Variants in TRMT61B observed in about 807,000 individuals in gnomAD.
The protein encoded by TRMT61B is tRNA (adenine(58)-N(1))-methyltransferase, mitochondrial.
Under a neutral mutation model 52.0 loss-of-function variants are expected in TRMT61B, and 56 were observed. That is an observed-to-expected ratio of 1.08 (90% CI 0.87 to 1.35). The LOEUF is 1.35. Ranked by LOEUF, TRMT61B falls within the 40% of genes most tolerant of loss-of-function variation. TRMT61B has a pLI of 0.00. For synonymous variants in TRMT61B, 206 were observed against 220.0 expected (o/e 0.94, Z 0.56); for missense variants, 650 against 577.9 (o/e 1.12, Z -1.28).
At chr2:28,868,376 T>C (rs1183827659) in intron 1 of TRMT61B, among the ~76,000 whole-genome samples, 1 of 152,202 alleles carries the variant, frequency 6.6e-6, no homozygotes, top group African/African-American at 2.4e-5. Context: ...TCACCTGACA[T>C]AAAGTATGCT....
At chr2:28,865,282 C>T (rs1669790406) in intron 1 of TRMT61B, among the ~76,000 whole-genome samples, 163 bp from the exon 2 acceptor site, 1 of 152,108 alleles carries the variant, frequency 6.6e-6, no homozygotes, top group African/African-American at 2.4e-5. Context: ...TAAAAGAGAT[C>T]CAAGAATCAA....
In TRMT61B at chr2:28,869,927, C is replaced by G. The variant is rs774582681; in HGVS notation, c.351G>C (p.Gln117His). The part of the protein sequence containing the change: ...GDQGRCGPTH[Q>H]GSEDPSMLSQ... ...AGAGCATCGAAGGATCCTCGGATCC[C>G]TGGTGTGTGGGACCGCACCGGCCCT... Residue 117 changes from glutamine to histidine, a missense_variant, in exon 1 of 7, where the codon CAG (glutamine) becomes CAC (histidine). By Grantham distance (24) the Gln-to-His change is conservative. Transcript: ENST00000306108. 2.5e-6 allele frequency: 4 copies of G among 1,613,904 alleles called. No individual in the cohort carries two copies. In the South Asian group the frequency reaches 4.4e-5, roughly 18 times the overall value.
At chr2:28,863,714 T>G (rs1669707512) in intron 2 of TRMT61B, among the ~76,000 whole-genome samples, 1 of 152,146 alleles carries the variant, frequency 6.6e-6, no homozygotes, top group Non-Finnish European at 1.5e-5. Context: ...AACAAAAGAT[T>G]GATTGAGGAG....
Position 28,850,257 on chromosome 2 carries a change from G to T in TRMT61B, c.1391-15C>A. The T allele has an allele frequency of 6.2e-7, 1 of 1,609,086 alleles. No homozygotes were observed. Among genetic ancestry groups the T allele is most frequent in the Non-Finnish European group, 8.5e-7 (1 of 1,177,284 alleles). Reference sequence around the variant, plus strand: ...GACAAGAAAAGCTAATTTAAGAGAAGAAAAACATAAAGTCATTATATTAAT... The same window carrying T: ...GACAAGAAAAGCTAATTTAAGAGAATAAAAACATAAAGTCATTATATTAAT... On this transcript the variant is annotated splice_polypyrimidine_tract_variant and intron_variant, in intron 6 of 6. Coordinates refer to ENST00000306108, the MANE Select transcript of TRMT61B (RefSeq NM_017910.4).
intron 3 of TRMT61B, among the ~76,000 whole-genome samples, chr2:28,860,895 C>T (rs1669571005): frequency 6.6e-6 from 1 of 152,172 alleles, no homozygotes; most frequent in African/African-American, 2.4e-5. Context: ...AGTCATTACC[C>T]CACATTCAAT....
chr2:28,864,058 C>T (rs1255430818), intron 2 of TRMT61B, among the ~76,000 whole-genome samples: 1 of 151,948 alleles, frequency 6.6e-6, no homozygotes, highest in Admixed American at 6.6e-5. Context: ...GATTTTTGAT[C>T]AGACACCCAC....
At chr2:28,867,874 G>A (rs55714245) in intron 1 of TRMT61B, among the ~76,000 whole-genome samples, 14,137 of 151,876 alleles carry the variant, frequency 0.093, 944 homozygotes, top group Middle Eastern at 0.2. Flanking sequence ...AAGTTAGGGC[G>A]ACCCCAACTC....
In TRMT61B at chr2:28,869,963, C is replaced by G. The variant is rs778312034; in HGVS notation, c.315G>C (p.Ser105=). The change falls in exon 1 of 7, where the codon TCG becomes TCC. Residue 105 remains serine (S), a synonymous_variant. Coordinates refer to ENST00000306108, the MANE Select transcript of TRMT61B (RefSeq NM_017910.4). ...GACCGCACCGGCCCTGGTCTCCGCTCGAGTCCTCGAGCTCTCGAGGGGATG... is the reference window on the plus strand; with the variant it reads ...GACCGCACCGGCCCTGGTCTCCGCTGGAGTCCTCGAGCTCTCGAGGGGATG... ...EESSPRELED[S]SGDQGRCGPT... is the part of the protein sequence containing the mutation. The G allele has an allele frequency of 1.9e-6, 3 of 1,613,692 alleles. No individual in the cohort carries two copies. The highest frequency in any genetic ancestry group is 3.3e-5 in the Admixed American group (2 of 60,000).
At chr2:28,858,160 C>T (rs926084942) in intron 3 of TRMT61B, among the ~76,000 whole-genome samples, 1 of 151,702 alleles carries the variant, frequency 6.6e-6, no homozygotes, top group African/African-American at 2.4e-5. Context: ...CCTGCCTCAG[C>T]CTCCCCAGTA....
Position 28,861,208 on chromosome 2 carries a change from A to G in TRMT61B, c.903T>C (p.Ser301=). The G allele has an allele frequency of 6.2e-7, 1 of 1,613,896 alleles. No individual in the cohort carries two copies. The highest frequency in any genetic ancestry group is 8.5e-7 in the Non-Finnish European group (1 of 1,179,946). ...CATTGTCTGGCCACTCTTCTACATG[A>G]CTTAATTTCCATGAATCACGCCAGT... ...YKHWRDSWKL[S]HVEEWPDNVD... Residue 301 remains serine (S), a synonymous_variant, in exon 3 of 7, where the codon AGT becomes AGC. Coordinates refer to ENST00000306108, the MANE Select transcript of TRMT61B (RefSeq NM_017910.4).
intron 2 of TRMT61B, among the ~76,000 whole-genome samples, chr2:28,864,574 T>C (rs903854112): frequency 6.6e-6 from 1 of 152,122 alleles, no homozygotes; most frequent in Non-Finnish European, 1.5e-5. Flanking sequence ...AAAGTCACAA[T>C]AGTGGTTTCC....
intron 1 of TRMT61B, among the ~76,000 whole-genome samples, chr2:28,865,377 C>A (rs1296258536): frequency 2.0e-5 from 3 of 152,116 alleles, no homozygotes; most frequent in Non-Finnish European, 4.4e-5. Context: ...AGTTTAAAGA[C>A]AAAGAGTAGA....
Position 28,858,041 on chromosome 2 carries a change from C to CTT in TRMT61B, c.993+3075_993+3076dup, listed in dbSNP as rs372996493. Among the ~76,000 whole-genome samples, 642 of 133,284 alleles carry CTT rather than the reference C, an allele frequency of 4.8e-3. 6 individuals carry two copies. Among genetic ancestry groups the CTT allele is most frequent in the African/African-American group, 8.5e-3 (308 of 36,082 alleles). The allele number at this position is 133,284 out of a possible 152,430, so 87.4% of individuals were successfully genotyped here. A position where few individuals can be genotyped will look rare whatever the true frequency, so the allele number is the denominator to read the frequency against. On this transcript the variant is annotated intron_variant, in intron 3 of 6. Coordinates refer to ENST00000306108, the MANE Select transcript of TRMT61B (RefSeq NM_017910.4). ...AGCTGTTTCCAAAATTTGTTTAATT[C>CTT]TTTTTTTTTTTTTTTTTGAGACGGA...
At position 28,870,088 on chromosome 2, in the gene TRMT61B, C is replaced by G. The variant is rs1363055167; in HGVS notation, c.190G>C (p.Ala64Pro). 6.2e-7 allele frequency: 1 copy of G among 1,613,996 alleles called. No homozygotes were observed. The highest frequency in any genetic ancestry group is 8.5e-7 in the Non-Finnish European group (1 of 1,179,984). ...AGAGGGAGAGATGGGCAAGACTCTGCTCCTGGGGCTTTCCTTTGTGCCGCC... is the reference window on the plus strand; with the variant it reads ...AGAGGGAGAGATGGGCAAGACTCTGGTCCTGGGGCTTTCCTTTGTGCCGCC... ...HEAAQRKAPG[A>P]ESCPSLPLSI... The change falls in exon 1 of 7, where the codon GCA (alanine) becomes CCA (proline). Residue 64 changes from alanine to proline, a missense_variant. Transcript: ENST00000306108.
chr2:28,859,292 G>A (rs1421282900), intron 3 of TRMT61B, among the ~76,000 whole-genome samples: 1 of 151,686 alleles, frequency 6.6e-6, no homozygotes, highest in East Asian at 1.9e-4. Flanking sequence ...TGTTAGCCAG[G>A]ATGGTCTCCA....
chr2:28,867,916 G>A (rs1669917540), intron 1 of TRMT61B, among the ~76,000 whole-genome samples: 1 of 152,082 alleles, frequency 6.6e-6, no homozygotes, highest in Admixed American at 6.6e-5. Flanking sequence ...GCTAGGCATA[G>A]TGGCATGCAC....
intron 1 of TRMT61B, among the ~76,000 whole-genome samples, chr2:28,865,323 A>G (rs1188430746): frequency 6.6e-6 from 1 of 152,232 alleles, no homozygotes; most frequent in East Asian, 1.9e-4. Context: ...TCAGAATAAT[A>G]CCAAAATTAC....
intron 3 of TRMT61B, among the ~76,000 whole-genome samples, chr2:28,858,079 C>A (rs1374039361): frequency 7.0e-6 from 1 of 142,972 alleles, no homozygotes; most frequent in Non-Finnish European, 1.5e-5. Context: ...CTCGCACTCT[C>A]GCCCAGGCTG....
rs1670002382 is a variant in TRMT61B at position 28,869,760 on chromosome 2, C to T, written c.518G>A (p.Arg173Lys). The T allele has an allele frequency of 6.2e-7, 1 of 1,614,090 alleles. No homozygotes were observed. The highest frequency in any genetic ancestry group is 1.3e-5 in the African/African-American group (1 of 74,924). The part of the protein sequence containing the change: ...EGETKFKKLF[R>K]LNNFGLLNSN... ...ATTTAAGAGTCCGAAGTTGTTCAAC[C>T]TAAATAATTTCTTAAATTTTGTTTC... Residue 173 changes from arginine to lysine, a missense_variant, in exon 1 of 7, where the codon AGG becomes AAG. Coordinates refer to ENST00000306108, the MANE Select transcript of TRMT61B (RefSeq NM_017910.4).
Sources: gnomAD v4.1 joint callset for allele counts (sites outside exome capture counted in the v4.1 genomes callset) on GRCh38, gnomAD v4.1.1 for gene constraint, MANE v1.5 for transcripts, NCBI Gene and HGNC (gene_info 2026-07-23, HGNC 2026-07-21) for gene names.